The following CFAP54 variants were observed in gnomAD, a reference collection of about 807,000 sequenced individuals.
The protein encoded by CFAP54 is cilia- and flagella-associated protein 54.
CFAP54 carries 290 observed loss-of-function variants against 370.4 expected under a neutral mutation model. That is an observed-to-expected ratio of 0.78 (90% CI 0.71 to 0.86). The LOEUF (loss-of-function observed/expected upper bound fraction) is 0.86. Ranked by LOEUF, CFAP54 falls within the 40% of genes least tolerant of loss-of-function variation. The probability of loss-of-function intolerance (pLI) is 0.00; values close to 1 mark genes in which losing one functional copy is unlikely to be tolerated. For synonymous variants in CFAP54, 1,206 were observed against 1,236.5 expected (o/e 0.98, Z 0.52); for missense variants, 3,399 against 3,528.7 (o/e 0.96, Z 0.93).
intron 26 of CFAP54, among the ~76,000 whole-genome samples, chr12:96,611,654 A>G (rs1425215403): frequency 1.3e-5 from 2 of 152,184 alleles, no homozygotes; most frequent in Admixed American, 6.5e-5. Context: ...GATTAGACAA[A>G]TGGCTAACTA....
intron 61 of CFAP54, among the ~76,000 whole-genome samples, 170 bp from the exon 62 acceptor site, chr12:96,786,505 A>G (rs887123897): frequency 6.6e-6 from 1 of 152,108 alleles, no homozygotes; most frequent in Non-Finnish European, 1.5e-5. Flanking sequence ...CTTCTGTGGC[A>G]AGAAACAATT....
chr12:96,738,997 A>G (rs1216288663), intron 50 of CFAP54, among the ~76,000 whole-genome samples: 2 of 152,172 alleles, frequency 1.3e-5, no homozygotes, highest in Non-Finnish European at 2.9e-5. Flanking sequence ...TTCTGTAACG[A>G]ACTTATTTCC....
intron 50 of CFAP54, among the ~76,000 whole-genome samples, chr12:96,722,509 G>A (rs190515072): frequency 3.9e-5 from 6 of 152,306 alleles, no homozygotes; most frequent in East Asian, 1.9e-4. Context: ...AAGGGAGATC[G>A]GCAAAGAGGT....
At chr12:96,685,278 G>T (rs1957315368) in intron 42 of CFAP54, 40 bp downstream of exon 42, 1 of 1,587,820 alleles carries the variant, frequency 6.3e-7, no homozygotes, top group Non-Finnish European at 8.6e-7. Flanking sequence ...CTAGCTAACA[G>T]CTTCCTTGTG....
chr12:96,873,561 A>C (rs1212901747), intron 67 of CFAP54, among the ~76,000 whole-genome samples: 1 of 152,182 alleles, frequency 6.6e-6, no homozygotes, highest in East Asian at 1.9e-4. Flanking sequence ...TGGCAGCAAC[A>C]GTGGCCATAG....
At chr12:96,561,964 T>C (rs1241817432) in intron 17 of CFAP54, among the ~76,000 whole-genome samples, 1 of 151,990 alleles carries the variant, frequency 6.6e-6, no homozygotes, top group Non-Finnish European at 1.5e-5. Flanking sequence ...TTTTGTACTC[T>C]TAGTGGAAAT....
chr12:96,499,587 A>G (rs1955001091), intron 1 of CFAP54, among the ~76,000 whole-genome samples: 1 of 152,172 alleles, frequency 6.6e-6, no homozygotes, highest in Non-Finnish European at 1.5e-5. Context: ...TTCTTACCAT[A>G]ACATTCACCC....
intron 20 of CFAP54, among the ~76,000 whole-genome samples, chr12:96,579,471 T>C (rs552102087): frequency 6.6e-6 from 1 of 152,200 alleles, no homozygotes; most frequent in South Asian, 2.1e-4. Flanking sequence ...ACCACTTGTG[T>C]CAATTGGACA....
At chr12:96,717,770 T>G (rs959585275) in intron 48 of CFAP54, among the ~76,000 whole-genome samples, 9 of 152,192 alleles carry the variant, frequency 5.9e-5, no homozygotes, top group Admixed American at 3.9e-4. Flanking sequence ...GAGATCTTAT[T>G]GAAATGTTAG....
At chr12:96,651,113 C>G (rs182329728) in intron 35 of CFAP54, among the ~76,000 whole-genome samples, 117 of 152,344 alleles carry the variant, frequency 7.7e-4, no homozygotes, top group African/African-American at 2.3e-3. Context: ...TTCCTGACCA[C>G]CCTGTCTAAA....
At chr12:96,579,563 A>C (rs922739696) in intron 20 of CFAP54, among the ~76,000 whole-genome samples, 1 of 151,776 alleles carries the variant, frequency 6.6e-6, no homozygotes, top group Non-Finnish European at 1.5e-5. Flanking sequence ...AGACAATTGT[A>C]TTTTTTTTAG....
chr12:96,581,139 G>GT (rs759388891), intron 22 of CFAP54, 34 bp downstream of exon 22: 1,892 of 1,319,092 alleles, frequency 1.4e-3, no homozygotes, highest in South Asian at 3.3e-3. Flanking sequence ...TTTCCACTGT[G>GT]TTTTTTTTTC....
chr12:96,627,058 TG>T (rs1956556649), intron 30 of CFAP54, 119 bp downstream of exon 30: 2 of 585,364 alleles, frequency 3.4e-6, no homozygotes, highest in African/African-American at 3.8e-5. Flanking sequence ...TTAAAACCAC[TG>T]CCTAAGAGAT....
At chr12:96,562,038 G>A (rs1453756219) in intron 17 of CFAP54, among the ~76,000 whole-genome samples, 7 of 151,810 alleles carry the variant, frequency 4.6e-5, no homozygotes, top group South Asian at 4.2e-4. Flanking sequence ...TGCCTGCCTC[G>A]GCCTCCCAAA....
At chr12:96,767,976 G>A (rs941003091) in intron 60 of CFAP54, among the ~76,000 whole-genome samples, 1 of 152,038 alleles carries the variant, frequency 6.6e-6, no homozygotes, top group Admixed American at 6.6e-5. Flanking sequence ...TACCTTCCAT[G>A]AGCTTCTAGT....
Position 96,625,796 on chromosome 12 carries a change from C to T in CFAP54, c.3965C>T (p.Ala1322Val). Residue 1322 changes from alanine to valine, a missense_variant, in exon 29 of 68, where the codon GCC (alanine) becomes GTC (valine). Coordinates refer to ENST00000524981, the MANE Select transcript of CFAP54 (RefSeq NM_001306084.2). ...PVVLNWSVKG[A>V]VKEVMKFKQK... The stretch of plus-strand genomic sequence containing the variant: ...GTTTTGAATTGGTCGGTCAAAGGTG[C>T]CGTGAAAGAAGGTAGGTGAACTGGA... 1.3e-6 allele frequency: 2 copies of T among 1,534,628 alleles called. No individual in the cohort carries two copies. Among genetic ancestry groups the T allele is most frequent in the Non-Finnish European group, 8.7e-7 (1 of 1,145,814 alleles).
intron 64 of CFAP54, among the ~76,000 whole-genome samples, chr12:96,812,857 C>T (rs1438954964): frequency 6.6e-6 from 1 of 152,054 alleles, no homozygotes; most frequent in African/African-American, 2.4e-5. Flanking sequence ...TTTGTTCCTT[C>T]TTTTCTTTCT....
intron 17 of CFAP54, among the ~76,000 whole-genome samples, chr12:96,556,978 A>G (rs770328486): frequency 6.6e-6 from 1 of 152,202 alleles, no homozygotes; most frequent in Non-Finnish European, 1.5e-5. Context: ...GGGTAACAAA[A>G]TAATCTGTAT....
chr12:96,800,722 C>T (rs1295891429), intron 63 of CFAP54, among the ~76,000 whole-genome samples: 1 of 152,182 alleles, frequency 6.6e-6, no homozygotes, highest in Non-Finnish European at 1.5e-5. Flanking sequence ...GTGAAACCCA[C>T]AAGATAATAA....
Sources: gnomAD v4.1 joint callset for allele counts (sites outside exome capture counted in the v4.1 genomes callset) on GRCh38, gnomAD v4.1.1 for gene constraint, MANE v1.5 for transcripts, NCBI Gene and HGNC (gene_info 2026-07-23, HGNC 2026-07-21) for gene names.